DGKB: variants seen among roughly 807,000 people sequenced by gnomAD.
The protein encoded by DGKB is diacylglycerol kinase beta, also known as 90 kDa diacylglycerol kinase.
DGKB carries 67 observed loss-of-function variants against 114.3 expected under a neutral mutation model. The ratio of observed to expected loss-of-function variants is 0.59; its 90% confidence interval spans 0.48 to 0.72. The LOEUF (loss-of-function observed/expected upper bound fraction) is 0.72. DGKB is among the 30% of genes least tolerant of loss of function. DGKB has a pLI of 0.00. For missense variants in DGKB, 907 were observed against 975.2 expected (o/e 0.93, Z 0.93); for synonymous variants, 398 against 323.1 (o/e 1.23, Z -2.49).
rs973077174 is a variant in DGKB at position 14,353,922 on chromosome 7, T to G, written c.1836-8531A>C. Among the ~76,000 whole-genome samples, 3 of 152,300 alleles carry G rather than the reference T, an allele frequency of 2.0e-5. No homozygotes were observed. In the South Asian group the frequency reaches 6.2e-4, roughly 32 times the overall value. ...ATTTTCTAAGAGTCATTTTCACACT[T>G]ACATGCATGAAATAATTTTTTTAAA... On this transcript the variant is annotated intron_variant, in intron 21 of 25. Transcript: ENST00000402815.
At chr7:14,450,004 G>T (rs564795441) in intron 21 of DGKB, among the ~76,000 whole-genome samples, 1 of 151,854 alleles carries the variant, frequency 6.6e-6, no homozygotes, top group Non-Finnish European at 1.5e-5. Context: ...GCTTCTCAAA[G>T]TTCATTATGT....
At chr7:14,612,374 T>C (rs1262937467) in intron 16 of DGKB, among the ~76,000 whole-genome samples, 1 of 151,924 alleles carries the variant, frequency 6.6e-6, no homozygotes, top group African/African-American at 2.4e-5. Flanking sequence ...TTTCACTATG[T>C]TGGCCAGGCT....
At chr7:14,438,875 G>GA (rs1221450222) in intron 21 of DGKB, among the ~76,000 whole-genome samples, 12 of 151,380 alleles carry the variant, frequency 7.9e-5, no homozygotes, top group Non-Finnish European at 2.9e-5. Context: ...GTAATAAGGG[G>GA]AAAAAATGTA....
intron 1 of DGKB, among the ~76,000 whole-genome samples, chr7:14,954,945 A>G (rs1562901410): frequency 6.6e-6 from 1 of 152,154 alleles, no homozygotes; most frequent in East Asian, 1.9e-4. Context: ...ATACAAAGAT[A>G]CACTGATCTA....
At chr7:14,270,788 T>C (rs992443023) in intron 23 of DGKB, among the ~76,000 whole-genome samples, 1 of 152,330 alleles carries the variant, frequency 6.6e-6, no homozygotes, top group South Asian at 2.1e-4. Context: ...TTGCGGGTCT[T>C]GAAAGTTGCT....
At chr7:14,254,795 T>C (rs1795727783) in intron 23 of DGKB, among the ~76,000 whole-genome samples, 1 of 152,054 alleles carries the variant, frequency 6.6e-6, no homozygotes, top group Admixed American at 6.6e-5. Flanking sequence ...AAAAGTAAAA[T>C]AAGAAATAAA....
At chr7:14,931,834 G>C (rs1265559188) in intron 1 of DGKB, among the ~76,000 whole-genome samples, 1 of 152,070 alleles carries the variant, frequency 6.6e-6, no homozygotes, top group Non-Finnish European at 1.5e-5. Flanking sequence ...TCAGGTCCCA[G>C]GGAGCGGGGT....
intron 20 of DGKB, among the ~76,000 whole-genome samples, chr7:14,496,632 T>C (rs868569712): frequency 4.4e-4 from 67 of 151,930 alleles, no homozygotes; most frequent in African/African-American, 1.5e-3. Flanking sequence ...AAATAATATT[T>C]GTAAATCTCT....
chr7:14,477,800 T>C (rs944546014), intron 21 of DGKB, among the ~76,000 whole-genome samples: 1 of 152,162 alleles, frequency 6.6e-6, no homozygotes, highest in Non-Finnish European at 1.5e-5. Flanking sequence ...CACTTAGCAT[T>C]ATCAAATCAG....
At chr7:14,356,698 GGA>G (rs1814614785) in intron 21 of DGKB, among the ~76,000 whole-genome samples, 1 of 151,960 alleles carries the variant, frequency 6.6e-6, no homozygotes, top group African/African-American at 2.4e-5. Flanking sequence ...GTTAGGGTGT[GGA>G]TTTTAGATCT....
rs114998022 is a variant in DGKB at position 14,643,711 on chromosome 7, G to T, written c.1135-13443C>A. Among the ~76,000 whole-genome samples the T allele has an allele frequency of 2.3e-3, 355 of 152,216 alleles. 1 individual carries two copies. The highest frequency in any genetic ancestry group is 7.7e-3 in the African/African-American group (320 of 41,540). On this transcript the variant is annotated intron_variant, in intron 13 of 25. Coordinates refer to ENST00000402815, the MANE Select transcript of DGKB (RefSeq NM_001350709.2). ...TTGAGAGCCACCTGTCTTATCTGCC[G>T]TCACCAACAGTGACCTCTCCCCCTC...
At chr7:14,774,083 T>C (rs897215297) in intron 2 of DGKB, among the ~76,000 whole-genome samples, 7 of 152,154 alleles carry the variant, frequency 4.6e-5, no homozygotes, top group Non-Finnish European at 7.4e-5. Context: ...TTCTCACTCA[T>C]AGGCTTGGGA....
intron 1 of DGKB, among the ~76,000 whole-genome samples, chr7:14,866,585 A>G (rs902089525): frequency 2.0e-5 from 3 of 152,278 alleles, no homozygotes; most frequent in South Asian, 2.1e-4. Context: ...TTAGCACTGA[A>G]TAATATTCCA....
At chr7:14,557,151 C>T (rs577489781) in intron 20 of DGKB, among the ~76,000 whole-genome samples, 21 of 152,250 alleles carry the variant, frequency 1.4e-4, no homozygotes, top group African/African-American at 4.8e-4. Context: ...TAACAAGCCC[C>T]TTAGGTGATT....
At chr7:14,315,872 C>T (rs1221025482) in intron 23 of DGKB, among the ~76,000 whole-genome samples, 1 of 150,308 alleles carries the variant, frequency 6.7e-6, no homozygotes, top group Non-Finnish European at 1.5e-5. Flanking sequence ...AAATTGACCA[C>T]ATACTTGGAA....
chr7:14,631,278 A>AAG (rs1554558197), intron 13 of DGKB, among the ~76,000 whole-genome samples: 3,802 of 150,424 alleles, frequency 0.025, 166 homozygotes, highest in African/African-American at 0.089. Flanking sequence ...AAAAAAAAAA[A>AAG]AAAAGAAAAA....
intron 1 of DGKB, among the ~76,000 whole-genome samples, chr7:14,850,753 G>A (rs1849243107): frequency 6.6e-6 from 1 of 152,092 alleles, no homozygotes; most frequent in African/African-American, 2.4e-5. Context: ...AAAGCCAATT[G>A]CATATTACTA....
At chr7:14,169,355 A>G (rs1399173878) in intron 25 of DGKB, among the ~76,000 whole-genome samples, 1 of 130,004 alleles carries the variant, frequency 7.7e-6, no homozygotes, top group African/African-American at 2.9e-5. Context: ...ACAGAGCGAG[A>G]CTCCGTCTCA....
At chr7:14,574,831 A>T (rs1798888047) in intron 19 of DGKB, among the ~76,000 whole-genome samples, 1 of 152,178 alleles carries the variant, frequency 6.6e-6, no homozygotes, top group African/African-American at 2.4e-5. Flanking sequence ...CCGTCTAGTG[A>T]TATAAAACTT....
Sources: gnomAD v4.1 joint callset for allele counts (sites outside exome capture counted in the v4.1 genomes callset) on GRCh38, gnomAD v4.1.1 for gene constraint, MANE v1.5 for transcripts, NCBI Gene and HGNC (gene_info 2026-07-23, HGNC 2026-07-21) for gene names.